The following EEFSEC variants were observed in gnomAD, a reference collection of about 807,000 sequenced individuals.
EEFSEC encodes eukaryotic elongation factor, selenocysteine-tRNA specific, also known as selenocysteine-specific elongation factor.
EEFSEC carries 43 observed loss-of-function variants against 42.1 expected under a neutral mutation model. That is an observed-to-expected ratio of 1.02 (90% CI 0.80 to 1.32). The LOEUF (loss-of-function observed/expected upper bound fraction) is 1.32, where lower values mean the gene tolerates loss of function less well. Ranked by LOEUF, EEFSEC falls within the 40% of genes most tolerant of loss-of-function variation. The pLI, the probability that EEFSEC is intolerant of heterozygous loss-of-function variation, is 0.00. For synonymous variants in EEFSEC, 354 were observed against 339.1 expected, an observed-to-expected ratio of 1.04 and a Z score of -0.48; for missense variants, 745 against 803.6, an observed-to-expected ratio of 0.93 and a Z score of 0.88.
intron 1 of EEFSEC, among the ~76,000 whole-genome samples, chr3:128,187,003 C>T (rs2065472830): frequency 1.3e-5 from 2 of 152,148 alleles, no homozygotes; most frequent in African/African-American, 4.8e-5. Flanking sequence ...AGGCTCATGG[C>T]CACAGGAGTG....
chr3:128,329,521 G>A (rs147492169), intron 4 of EEFSEC, among the ~76,000 whole-genome samples: 61 of 152,348 alleles, frequency 4.0e-4, no homozygotes, highest in African/African-American at 1.4e-3. Context: ...GGCGGGGGCT[G>A]TGGGGGCCAA....
At chr3:128,221,850 A>G (rs1295238089) in intron 1 of EEFSEC, among the ~76,000 whole-genome samples, 2 of 152,158 alleles carry the variant, frequency 1.3e-5, no homozygotes, top group Non-Finnish European at 2.9e-5. Flanking sequence ...TTATAGCAAG[A>G]TTAGGACATT....
At chr3:128,328,541 T>C (rs1339798358) in intron 4 of EEFSEC, among the ~76,000 whole-genome samples, 1 of 152,200 alleles carries the variant, frequency 6.6e-6, no homozygotes, top group Non-Finnish European at 1.5e-5. Context: ...ATAAAGCTCT[T>C]GTAGTTTCTT....
chr3:128,241,088 G>A (rs2066065320), intron 1 of EEFSEC, among the ~76,000 whole-genome samples: 1 of 151,836 alleles, frequency 6.6e-6, no homozygotes, highest in African/African-American at 2.4e-5. Context: ...AGAGTTTCAG[G>A]GTACTGTTGT....
rs572564805 is a variant in EEFSEC at position 128,399,974 on chromosome 3, G to A, written c.1601-8095G>A. On this transcript the variant is annotated intron_variant, in intron 6 of 6. Transcript: ENST00000254730. Reference sequence around the variant, plus strand: ...TCATTGCAGCTCCATGAGCCTGGCTGGCCGCTGATAGATGGGGGTGTTGAT... The same window carrying A: ...TCATTGCAGCTCCATGAGCCTGGCTAGCCGCTGATAGATGGGGGTGTTGAT... 9.2e-5 allele frequency among the ~76,000 whole-genome samples: 14 copies of A among 152,312 alleles called. No homozygotes were observed. The East Asian group carries it at 2.7e-3, about 29-fold the overall frequency.
intron 4 of EEFSEC, among the ~76,000 whole-genome samples, chr3:128,291,931 C>T (rs2066648315): frequency 6.6e-6 from 1 of 152,042 alleles, no homozygotes; most frequent in South Asian, 2.1e-4. Flanking sequence ...TTGTGCATAT[C>T]GTTTATCAGA....
intron 1 of EEFSEC, among the ~76,000 whole-genome samples, chr3:128,164,860 G>T (rs2065228847): frequency 6.6e-6 from 1 of 152,174 alleles, no homozygotes; most frequent in Non-Finnish European, 1.5e-5. Flanking sequence ...AGTCTGAGGA[G>T]AGGACTGTGA....
chr3:128,355,362 G>C (rs2067439677), intron 5 of EEFSEC, among the ~76,000 whole-genome samples: 1 of 152,028 alleles, frequency 6.6e-6, no homozygotes, highest in South Asian at 2.1e-4. Context: ...TGTCCAAGGT[G>C]GGCCTTGGGT....
At chr3:128,157,157 T>C (rs1944395645) in intron 1 of EEFSEC, among the ~76,000 whole-genome samples, 1 of 152,210 alleles carries the variant, frequency 6.6e-6, no homozygotes, top group Admixed American at 6.5e-5. Flanking sequence ...CCACATTCCC[T>C]TAAGTGGAAG....
intron 6 of EEFSEC, among the ~76,000 whole-genome samples, chr3:128,378,329 G>C (rs1181265865): frequency 2.0e-5 from 3 of 152,160 alleles, no homozygotes; most frequent in Non-Finnish European, 2.9e-5. Context: ...TCCTCCATCT[G>C]AGGCCCTTCA....
intron 5 of EEFSEC, 145 bp from the exon 6 acceptor site, chr3:128,358,072 T>A: frequency 9.7e-7 from 1 of 1,035,608 alleles, no homozygotes; most frequent in Non-Finnish European, 1.4e-6. Context: ...GGTGGGCTCA[T>A]CACCAGGCTA....
chr3:128,195,587 C>T (rs2065575980), intron 1 of EEFSEC, among the ~76,000 whole-genome samples: 1 of 152,178 alleles, frequency 6.6e-6, no homozygotes, highest in South Asian at 2.1e-4. Flanking sequence ...GGAATCCAGG[C>T]TCTGCGAACC....
intron 4 of EEFSEC, among the ~76,000 whole-genome samples, chr3:128,295,270 C>T (rs2066690756): frequency 1.3e-5 from 2 of 152,246 alleles, no homozygotes; most frequent in South Asian, 2.1e-4. Flanking sequence ...CTCTGGCTGC[C>T]TCTTGGGGCC....
chr3:128,200,855 T>C (rs948557989), intron 1 of EEFSEC, among the ~76,000 whole-genome samples: 2 of 152,208 alleles, frequency 1.3e-5, no homozygotes, highest in African/African-American at 2.4e-5. Flanking sequence ...CTGTGGTCAC[T>C]TGTGTGAATG....
At chr3:128,304,229 A>G (rs2066802514) in intron 4 of EEFSEC, among the ~76,000 whole-genome samples, 2 of 152,092 alleles carry the variant, frequency 1.3e-5, no homozygotes, top group Non-Finnish European at 2.9e-5. Context: ...TTGGTATTAT[A>G]ATTTGAATTG....
chr3:128,248,351 G>C (rs1031138493), intron 2 of EEFSEC, among the ~76,000 whole-genome samples: 2 of 152,156 alleles, frequency 1.3e-5, no homozygotes, highest in Non-Finnish European at 2.9e-5. Context: ...TCCCATTTAT[G>C]ATGTTTTTTT....
intron 1 of EEFSEC, among the ~76,000 whole-genome samples, chr3:128,187,489 G>GA (rs963157182): frequency 2.2e-4 from 34 of 151,528 alleles, no homozygotes; most frequent in African/African-American, 7.3e-4. Flanking sequence ...TTACTTGTAA[G>GA]AAAAAAAAAT....
At chr3:128,325,837 A>G (rs1049445099) in intron 4 of EEFSEC, among the ~76,000 whole-genome samples, 5 of 152,220 alleles carry the variant, frequency 3.3e-5, no homozygotes, top group African/African-American at 1.2e-4. Flanking sequence ...TTTATTATGT[A>G]ACACCTTGCC....
In EEFSEC at chr3:128,384,635, C is replaced by A. The variant is rs373202803; in HGVS notation, c.1601-23434C>A. Among the ~76,000 whole-genome samples the A allele has an allele frequency of 2.6e-4, 40 of 152,280 alleles. No individual in the cohort carries two copies. In the East Asian group the frequency reaches 6.0e-3, roughly 23 times the overall value. On this transcript the variant is annotated intron_variant, in intron 6 of 6. Transcript: ENST00000254730. ...GGGTACAAGGCCTGAGGTGGCTGTA[C>A]CCCTGAGCCCCTAGGGAATGCAACT... is the stretch of plus-strand genomic sequence containing the variant.
Sources: gnomAD v4.1 joint callset for allele counts (sites outside exome capture counted in the v4.1 genomes callset) on GRCh38, gnomAD v4.1.1 for gene constraint, MANE v1.5 for transcripts, NCBI Gene and HGNC (gene_info 2026-07-23, HGNC 2026-07-21) for gene names.